The following PLCL1 variants were observed in gnomAD, a reference collection of about 807,000 sequenced individuals.
PLCL1 encodes phospholipase C like 1 (inactive).
In PLCL1, 41 loss-of-function variants were observed where a neutral mutation model predicts 84.4. The observed-to-expected ratio is 0.49, with a 90% CI of 0.38 to 0.63. The LOEUF (loss-of-function observed/expected upper bound fraction) is 0.63, where lower values mean the gene tolerates loss of function less well. Among genes scored for constraint, PLCL1 ranks in the 30% least tolerant of loss-of-function variants. The probability of loss-of-function intolerance (pLI) is 0.00; values close to 1 mark genes in which losing one functional copy is unlikely to be tolerated. For synonymous variants in PLCL1, 490 were observed against 488.3 expected (o/e 1.00, Z -0.05); for missense variants, 1,206 against 1,367.8 (o/e 0.88, Z 1.87).
intron 1 of PLCL1, among the ~76,000 whole-genome samples, chr2:197,965,706 G>GT (rs375759172): frequency 6.6e-6 from 1 of 152,104 alleles, no homozygotes; most frequent in African/African-American, 2.4e-5. Context: ...TTTTAGCACT[G>GT]TTTTTGCTAT....
At chr2:197,843,722 C>T (rs763051923) in intron 1 of PLCL1, among the ~76,000 whole-genome samples, 3 of 152,148 alleles carry the variant, frequency 2.0e-5, no homozygotes, top group Admixed American at 6.5e-5. Flanking sequence ...ACTTTACATA[C>T]TTCCAAATTG....
chr2:197,863,464 A>G (rs1687471714), intron 1 of PLCL1, among the ~76,000 whole-genome samples: 1 of 152,130 alleles, frequency 6.6e-6, no homozygotes, highest in African/African-American at 2.4e-5. Context: ...TTGTCATATC[A>G]TAACCATTTC....
chr2:197,817,808 G>A (rs1027444864), intron 1 of PLCL1, among the ~76,000 whole-genome samples: 2 of 152,104 alleles, frequency 1.3e-5, no homozygotes, highest in Admixed American at 6.6e-5. Context: ...GCTTATAAAT[G>A]GGCTGAGTAA....
chr2:198,108,198 A>G (rs1037079821), intron 5 of PLCL1, among the ~76,000 whole-genome samples: 2 of 151,840 alleles, frequency 1.3e-5, no homozygotes, highest in African/African-American at 4.8e-5. Flanking sequence ...AGTAGATTCA[A>G]TTTACCTTGC....
At chr2:198,080,672 AC>A (rs1437921651) in intron 1 of PLCL1, among the ~76,000 whole-genome samples, 1 of 152,212 alleles carries the variant, frequency 6.6e-6, no homozygotes, top group African/African-American at 2.4e-5. Flanking sequence ...TTTTGAATGT[AC>A]GTAATCTTGG....
At chr2:197,975,490 T>C (rs1340432434) in intron 1 of PLCL1, among the ~76,000 whole-genome samples, 1 of 152,144 alleles carries the variant, frequency 6.6e-6, no homozygotes, top group Non-Finnish European at 1.5e-5. Context: ...AAAACCCAAT[T>C]GGCTATCATC....
chr2:198,129,783 A>G (rs911460369), intron 5 of PLCL1, among the ~76,000 whole-genome samples: 9 of 151,956 alleles, frequency 5.9e-5, no homozygotes, highest in African/African-American at 1.2e-4. Flanking sequence ...ACTTCTTAAC[A>G]GGGTTGTTTA....
At chr2:197,826,584 A>G (rs1398165908) in intron 1 of PLCL1, among the ~76,000 whole-genome samples, 1 of 152,180 alleles carries the variant, frequency 6.6e-6, no homozygotes. Flanking sequence ...TTTTTACACT[A>G]TAATACATTT....
intron 1 of PLCL1, among the ~76,000 whole-genome samples, chr2:197,986,577 G>T (rs1179359714): frequency 1.3e-5 from 2 of 152,088 alleles, no homozygotes; most frequent in African/African-American, 4.8e-5. Flanking sequence ...TTGAACTCCT[G>T]GCCTCAAGCA....
intron 1 of PLCL1, among the ~76,000 whole-genome samples, chr2:197,850,023 CACACACAG>C (rs1333898036): frequency 7.8e-6 from 1 of 128,376 alleles, no homozygotes; most frequent in Non-Finnish European, 1.6e-5. Context: ...GACACACAGA[CACACACAG>C]ACACACACAC....
intron 1 of PLCL1, among the ~76,000 whole-genome samples, chr2:198,080,327 TTA>T (rs1194187725): frequency 1.3e-5 from 2 of 152,206 alleles, no homozygotes; most frequent in African/African-American, 4.8e-5. Context: ...TGTTTTGTAT[TTA>T]CCAAGAAGGA....
intron 1 of PLCL1, among the ~76,000 whole-genome samples, chr2:198,079,578 A>T (rs1386265966): frequency 6.6e-6 from 1 of 152,142 alleles, no homozygotes; most frequent in African/African-American, 2.4e-5. Flanking sequence ...TTAACAAAAA[A>T]GTATTTGTCT....
chr2:198,069,907 C>T lies in PLCL1; in HGVS notation c.241-13851C>T, dbSNP rs74530973. ...TTAGTTGAGTTCAGATAAGGACCCTCTATTAAAGAAGAAATAAAGGAATGT... is the reference window on the plus strand; with the variant it reads ...TTAGTTGAGTTCAGATAAGGACCCTTTATTAAAGAAGAAATAAAGGAATGT... On this transcript the variant is annotated intron_variant, in intron 1 of 5. Transcript: ENST00000428675. Among the ~76,000 whole-genome samples, 1,474 of 152,108 alleles carry T rather than the reference C, an allele frequency of 9.7e-3. 29 individuals are homozygous for T. Among genetic ancestry groups the T allele is most frequent in the African/African-American group, 0.033 (1,351 of 41,484 alleles).
intron 1 of PLCL1, among the ~76,000 whole-genome samples, chr2:198,036,441 T>C (rs1049986377): frequency 6.6e-6 from 1 of 152,204 alleles, no homozygotes; most frequent in African/African-American, 2.4e-5. Flanking sequence ...CCAGCTAACA[T>C]AAGTGCATTT....
chr2:198,005,213 C>T (rs1368151913), intron 1 of PLCL1, among the ~76,000 whole-genome samples: 1 of 152,186 alleles, frequency 6.6e-6, no homozygotes, highest in Non-Finnish European at 1.5e-5. Context: ...TTTCCGAGTG[C>T]TAAGTGATAG....
intron 1 of PLCL1, among the ~76,000 whole-genome samples, chr2:198,000,156 AG>A (rs915514206): frequency 1.4e-4 from 21 of 152,126 alleles, no homozygotes; most frequent in African/African-American, 4.8e-4. Flanking sequence ...AGATGATGCC[AG>A]GGTAGTTAAG....
intron 1 of PLCL1, among the ~76,000 whole-genome samples, chr2:197,898,218 C>A (rs998826381): frequency 6.6e-6 from 1 of 152,092 alleles, no homozygotes; most frequent in Non-Finnish European, 1.5e-5. Context: ...CAGGTCTTGG[C>A]TAACTCTATG....
In PLCL1 at chr2:197,951,496, G is replaced by A. The variant is rs192154547; in HGVS notation, c.241-132262G>A. Among the ~76,000 whole-genome samples, 191 of 152,258 alleles carry A rather than the reference G, an allele frequency of 1.3e-3. 2 individuals carry two copies. Among genetic ancestry groups the A allele is most frequent in the African/African-American group, 4.3e-3 (177 of 41,568 alleles). Reference sequence around the variant, plus strand: ...GTTCCTTTGGCTGTGGAATTTATAAGAGGTGAAACCCAGGAGCTTCTGACA... The same window carrying A: ...GTTCCTTTGGCTGTGGAATTTATAAAAGGTGAAACCCAGGAGCTTCTGACA... On this transcript the variant is annotated intron_variant, in intron 1 of 5. Coordinates refer to ENST00000428675, the MANE Select transcript of PLCL1 (RefSeq NM_006226.4).
At chr2:197,956,796 G>C (rs574370162) in intron 1 of PLCL1, among the ~76,000 whole-genome samples, 91 of 151,792 alleles carry the variant, frequency 6.0e-4, no homozygotes, top group African/African-American at 2.2e-3. Flanking sequence ...AATTTGTTTA[G>C]TTCCTTGTAA....
Sources: gnomAD v4.1 joint callset for allele counts (sites outside exome capture counted in the v4.1 genomes callset) on GRCh38, gnomAD v4.1.1 for gene constraint, MANE v1.5 for transcripts, NCBI Gene and HGNC (gene_info 2026-07-23, HGNC 2026-07-21) for gene names.